ADK: variants seen among roughly 807,000 people sequenced by gnomAD.
The protein encoded by ADK is adenosine kinase.
ADK carries 24 observed loss-of-function variants against 44.7 expected under a neutral mutation model. The ratio of observed to expected loss-of-function variants is 0.54; its 90% CI spans 0.39 to 0.76. ADK has a LOEUF of 0.76. Among genes scored for constraint, ADK ranks in the 30% least tolerant of loss-of-function variants. The pLI is 0.00. For synonymous variants in ADK, 128 were observed against 142.6 expected (o/e 0.90, Z 0.73); for missense variants, 321 against 425.1 (o/e 0.76, Z 2.15).
In ADK at chr10:74,423,127, TG is replaced by T. The variant is rs544127823; in HGVS notation, c.555+24549del. Among the ~76,000 whole-genome samples, 15 of 152,198 alleles carry T rather than the reference TG, an allele frequency of 9.9e-5. No homozygotes were observed. The East Asian group carries it at 2.9e-3, about 29-fold the overall frequency. On this transcript the variant is annotated intron_variant, in intron 6 of 10. Transcript: ENST00000539909. ...TACAAGGGTGAGGGGAACAGAAGCA[TG>T]TGGCTGCTACCAGCAAAGGAAAAGT... is the stretch of plus-strand genomic sequence containing the variant.
intron 6 of ADK, among the ~76,000 whole-genome samples, chr10:74,498,371 T>C (rs1014003278): frequency 1.1e-4 from 17 of 152,244 alleles, no homozygotes; most frequent in Admixed American, 2.0e-4. Context: ...TGTGGTGTTA[T>C]GGAATTCATA....
At chr10:74,507,051 T>C (rs572185341) in intron 6 of ADK, among the ~76,000 whole-genome samples, 8 of 152,344 alleles carry the variant, frequency 5.3e-5, no homozygotes, top group African/African-American at 1.9e-4. Flanking sequence ...AAAACTTTTT[T>C]CAATTTATAT....
chr10:74,372,931 T>C (rs1459565813), intron 4 of ADK, among the ~76,000 whole-genome samples: 1 of 152,134 alleles, frequency 6.6e-6, no homozygotes, highest in Non-Finnish European at 1.5e-5. Context: ...CACTTCCCAA[T>C]TAAAAAACGT....
chr10:74,302,129 T>TGG (rs1840076220), intron 3 of ADK, among the ~76,000 whole-genome samples: 1 of 72,054 alleles, frequency 1.4e-5, no homozygotes, highest in South Asian at 4.8e-4. Context: ...TTTTTTTTTT[T>TGG]TTTTTTTTTT....
At position 74,159,295 on chromosome 10, in the gene ADK, G is replaced by T. The variant is rs553593329; in HGVS notation, c.65+7952G>T. Among the ~76,000 whole-genome samples, 12 of 152,308 alleles carry T rather than the reference G, an allele frequency of 7.9e-5. No individual in the cohort carries two copies. In the East Asian group the frequency reaches 2.3e-3, roughly 29 times the overall value. ...ATTATGTAAGAAATTCTTGCCTTCT[G>T]TAGGCACAACAGTTTGGTTACTGTA... On this transcript the variant is annotated intron_variant, in intron 1 of 10. Coordinates refer to ENST00000539909, the MANE Select transcript of ADK (RefSeq NM_006721.4).
chr10:74,406,144 G>A (rs1029632533), intron 6 of ADK, among the ~76,000 whole-genome samples: 1 of 152,118 alleles, frequency 6.6e-6, no homozygotes, highest in Non-Finnish European at 1.5e-5. Context: ...TCAGAGATAC[G>A]TATTTTTTAT....
Position 74,276,374 on chromosome 10 carries a change from A to G in ADK, c.195-38293A>G, listed in dbSNP as rs747161759. 5.8e-4 allele frequency among the ~76,000 whole-genome samples: 88 copies of G among 152,346 alleles called. 2 individuals are homozygous for G. The highest frequency in any genetic ancestry group is 2.0e-4 in the Admixed American group (3 of 15,300). On this transcript the variant is annotated intron_variant, in intron 3 of 10. Coordinates refer to ENST00000539909, the MANE Select transcript of ADK (RefSeq NM_006721.4). Reference sequence around the variant, plus strand: ...AGCTTCTGGTTATCTTTTGGATGACAGGGGTATTGCTTTCTGGGCCCCAAC... The same window carrying G: ...AGCTTCTGGTTATCTTTTGGATGACGGGGGTATTGCTTTCTGGGCCCCAAC...
intron 4 of ADK, among the ~76,000 whole-genome samples, chr10:74,390,624 A>G (rs573918023): frequency 1.3e-5 from 2 of 152,284 alleles, no homozygotes; most frequent in African/African-American, 4.8e-5. Flanking sequence ...TCAAGATTCC[A>G]GATGTCACAG....
intron 9 of ADK, among the ~76,000 whole-genome samples, chr10:74,667,442 G>GTATATA (rs201718158): frequency 3.1e-4 from 47 of 151,492 alleles, no homozygotes; most frequent in African/African-American, 1.1e-3. Flanking sequence ...ATGTGTGTGT[G>GTATATA]TGTATATATA....
intron 7 of ADK, among the ~76,000 whole-genome samples, chr10:74,572,767 T>C (rs1351049190): frequency 6.6e-6 from 1 of 152,214 alleles, no homozygotes; most frequent in Non-Finnish European, 1.5e-5. Flanking sequence ...CTTCCATCAC[T>C]GATACCCTTT....
At chr10:74,161,437 CTGATCTCG>C (rs1157442151) in intron 1 of ADK, among the ~76,000 whole-genome samples, 1 of 152,214 alleles carries the variant, frequency 6.6e-6, no homozygotes, top group Non-Finnish European at 1.5e-5. Flanking sequence ...TCTCGATCTC[CTGATCTCG>C]TGATCTACCT....
At chr10:74,570,291 T>C (rs1461552826) in intron 7 of ADK, among the ~76,000 whole-genome samples, 1 of 152,190 alleles carries the variant, frequency 6.6e-6, no homozygotes, top group African/African-American at 2.4e-5. Flanking sequence ...TTTAAAGTAG[T>C]TTTTTCCAAT....
chr10:74,298,582 A>G (rs1839895493), intron 3 of ADK, among the ~76,000 whole-genome samples: 1 of 152,024 alleles, frequency 6.6e-6, no homozygotes, highest in Admixed American at 6.6e-5. Flanking sequence ...GTGAGACCCT[A>G]TCTTTTCAAA....
At chr10:74,406,181 A>G (rs1472166399) in intron 6 of ADK, among the ~76,000 whole-genome samples, 5 of 152,054 alleles carry the variant, frequency 3.3e-5, no homozygotes, top group African/African-American at 4.8e-5. Flanking sequence ...ATTAAAAACC[A>G]TTGTTTCTAG....
At chr10:74,558,087 A>C (rs1389755404) in intron 7 of ADK, among the ~76,000 whole-genome samples, 1 of 147,388 alleles carries the variant, frequency 6.8e-6, no homozygotes, top group Non-Finnish European at 1.6e-5. Context: ...GACTCTCTCC[A>C]GGCCCCTCAG....
At chr10:74,705,905 A>G (rs898143953) in intron 10 of ADK, among the ~76,000 whole-genome samples, 3 of 152,018 alleles carry the variant, frequency 2.0e-5, no homozygotes, top group Admixed American at 1.3e-4. Flanking sequence ...ACATTTTTTC[A>G]TTTGCTTATT....
chr10:74,375,588 C>T (rs1239303275), intron 4 of ADK, among the ~76,000 whole-genome samples: 3 of 152,152 alleles, frequency 2.0e-5, no homozygotes, highest in Non-Finnish European at 4.4e-5. Context: ...GGCTGATAGG[C>T]AGGCTCAAAG....
At chr10:74,208,467 C>G (rs1415809431) in intron 2 of ADK, among the ~76,000 whole-genome samples, 1 of 152,234 alleles carries the variant, frequency 6.6e-6, no homozygotes, top group Admixed American at 6.5e-5. Flanking sequence ...GCAGCTGGTC[C>G]TAAGTGGCTA....
At chr10:74,595,985 G>A (rs1267728562) in intron 8 of ADK, among the ~76,000 whole-genome samples, 1 of 97,398 alleles carries the variant, frequency 1.0e-5, no homozygotes, top group Non-Finnish European at 1.9e-5. Context: ...CAACAAGAGC[G>A]AAATTCCATC....
Sources: allele counts gnomAD v4.1 joint callset (sites outside exome capture counted in the v4.1 genomes callset), GRCh38; gene constraint gnomAD v4.1.1; transcripts MANE v1.5; gene names NCBI Gene and HGNC (gene_info 2026-07-23, HGNC 2026-07-21).